The following GPC6 variants were observed in gnomAD, a reference collection of about 807,000 sequenced individuals.
GPC6 encodes glypican 6.
A neutral mutation model predicts 55.2 loss-of-function variants in GPC6; 14 were observed. That is an observed-to-expected ratio of 0.25 (90% confidence interval 0.17 to 0.40). The LOEUF is 0.40. Among genes scored for constraint, GPC6 ranks in the 10% least tolerant of loss-of-function variants. The pLI is 1.00. For missense variants in GPC6, 641 were observed against 708.5 expected (o/e 0.90, Z 1.08); for synonymous variants, 278 against 259.6 (o/e 1.07, Z -0.68).
Position 94,341,585 on chromosome 13 carries a change from C to CAA in GPC6, c.1152+35478_1152+35479dup, listed in dbSNP as rs34492618. ...GGGCAACAAAAGCAAAACTCCGTCT[C>CAA]AAAAAAAAAAAAAAAAAGATTGTTA... On this transcript the variant is annotated intron_variant, in intron 6 of 8. Coordinates refer to ENST00000377047, the MANE Select transcript of GPC6 (RefSeq NM_005708.5). Among the ~76,000 whole-genome samples the CAA allele has an allele frequency of 2.2e-3, 178 of 79,580 alleles. 1 individual carries two copies. The highest frequency in any genetic ancestry group is 2.1e-3 in the Admixed American group (17 of 8,022). 52.2% of individuals were successfully genotyped at this position (79,580 alleles called of 152,430 possible).
At chr13:93,754,709 A>C (rs1339506966) in intron 2 of GPC6, among the ~76,000 whole-genome samples, 1 of 152,122 alleles carries the variant, frequency 6.6e-6, no homozygotes, top group Non-Finnish European at 1.5e-5. Context: ...ATTTAAAAAA[A>C]AAAAACTAAA....
intron 1 of GPC6, among the ~76,000 whole-genome samples, chr13:93,541,771 C>A (rs12561010): frequency 6.7e-6 from 1 of 149,742 alleles, no homozygotes; most frequent in Non-Finnish European, 1.5e-5. Context: ...ATTTCTCTGA[C>A]GGCCAGTGAT....
intron 2 of GPC6, among the ~76,000 whole-genome samples, chr13:93,771,984 T>A (rs1229207179): frequency 1.3e-5 from 2 of 152,174 alleles, no homozygotes; most frequent in Non-Finnish European, 2.9e-5. Context: ...ACCACAGTTC[T>A]GCTTGGTTCA....
intron 3 of GPC6, among the ~76,000 whole-genome samples, chr13:93,903,509 T>C (rs1416895068): frequency 6.6e-6 from 1 of 152,222 alleles, no homozygotes; most frequent in African/African-American, 2.4e-5. Flanking sequence ...TTTAAAAATG[T>C]GTTTTGCATT....
At chr13:93,890,717 T>TTA (rs1875628534) in intron 3 of GPC6, among the ~76,000 whole-genome samples, 1 of 80,132 alleles carries the variant, frequency 1.2e-5, no homozygotes, top group African/African-American at 4.4e-5. Flanking sequence ...TTTTACTTAA[T>TTA]TTTTTTTTTT....
At chr13:93,467,708 C>A in intron 1 of GPC6, among the ~76,000 whole-genome samples, 1 of 151,220 alleles carries the variant, frequency 6.6e-6, no homozygotes, top group Admixed American at 6.6e-5. Context: ...CTTCAGCCTC[C>A]TAAGTTGTTG....
chr13:94,267,675 A>T (rs1212454799), intron 4 of GPC6, among the ~76,000 whole-genome samples: 2 of 152,204 alleles, frequency 1.3e-5, no homozygotes, highest in Non-Finnish European at 2.9e-5. Context: ...CTAAAGTGTG[A>T]TTCCATCCTG....
intron 4 of GPC6, among the ~76,000 whole-genome samples, chr13:94,049,306 AC>A (rs1441010024): frequency 2.0e-5 from 3 of 150,938 alleles, no homozygotes; most frequent in South Asian, 4.2e-4. Flanking sequence ...CTCCTCCCCA[AC>A]CCCCCACTGA....
At chr13:93,777,205 G>A (rs1040757845) in intron 2 of GPC6, among the ~76,000 whole-genome samples, 1 of 152,140 alleles carries the variant, frequency 6.6e-6, no homozygotes, top group Non-Finnish European at 1.5e-5. Context: ...TGAAACAGGC[G>A]ATCAAGCAAG....
intron 1 of GPC6, among the ~76,000 whole-genome samples, chr13:93,432,001 G>A (rs1435509096): frequency 6.6e-6 from 1 of 152,108 alleles, no homozygotes; most frequent in Non-Finnish European, 1.5e-5. Flanking sequence ...CATCTGAAAT[G>A]TGTCCCTAGA....
chr13:93,822,615 A>G (rs994860599), intron 2 of GPC6, among the ~76,000 whole-genome samples: 6 of 150,580 alleles, frequency 4.0e-5, no homozygotes, highest in African/African-American at 1.5e-4. Flanking sequence ...CCCCCCAACA[A>G]GCCCCAGTGT....
chr13:94,292,602 CTTT>C (rs1875045852), intron 5 of GPC6, among the ~76,000 whole-genome samples: 1 of 151,986 alleles, frequency 6.6e-6, no homozygotes, highest in South Asian at 2.1e-4. Flanking sequence ...TCTTATGTAT[CTTT>C]TTTCTCTCTT....
chr13:94,185,905 A>G (rs1177591198), intron 4 of GPC6, among the ~76,000 whole-genome samples: 1 of 151,850 alleles, frequency 6.6e-6, no homozygotes, highest in African/African-American at 2.4e-5. Flanking sequence ...CTAAAAATAC[A>G]AAAAATTAGC....
At chr13:93,970,940 T>C (rs569777159) in intron 3 of GPC6, among the ~76,000 whole-genome samples, 26 of 152,350 alleles carry the variant, frequency 1.7e-4, no homozygotes, top group Non-Finnish European at 3.2e-4. Flanking sequence ...TACAAGGACT[T>C]GCATTTTGAT....
intron 4 of GPC6, among the ~76,000 whole-genome samples, chr13:94,143,161 T>A (rs1007182294): frequency 2.6e-5 from 4 of 151,756 alleles, no homozygotes; most frequent in Non-Finnish European, 4.4e-5. Flanking sequence ...AAAAAAAAGA[T>A]ATATAAAAAC....
chr13:93,927,808 T>C (rs1315775159), intron 3 of GPC6, among the ~76,000 whole-genome samples: 1 of 152,164 alleles, frequency 6.6e-6, no homozygotes, highest in East Asian at 1.9e-4. Flanking sequence ...ATAAAAGCAC[T>C]GAATAAGTAT....
intron 1 of GPC6, among the ~76,000 whole-genome samples, chr13:93,492,487 T>C (rs2139359209): frequency 6.6e-6 from 1 of 151,300 alleles, no homozygotes; most frequent in Admixed American, 6.6e-5. Context: ...TTTGACTTCC[T>C]CTTTTCCCTA....
intron 4 of GPC6, among the ~76,000 whole-genome samples, chr13:94,236,513 A>T (rs1369826309): frequency 6.6e-6 from 1 of 152,174 alleles, no homozygotes; most frequent in Non-Finnish European, 1.5e-5. Context: ...AGACATCAAG[A>T]CAATTGCATA....
intron 2 of GPC6, among the ~76,000 whole-genome samples, chr13:93,752,506 C>T (rs1884633017): frequency 6.6e-6 from 1 of 151,746 alleles, no homozygotes; most frequent in South Asian, 2.1e-4. Flanking sequence ...CGGTTGCAAT[C>T]TATTACCACT....
Sources: gnomAD v4.1 joint callset for allele counts (sites outside exome capture counted in the v4.1 genomes callset) on GRCh38, gnomAD v4.1.1 for gene constraint, MANE v1.5 for transcripts, NCBI Gene and HGNC (gene_info 2026-07-23, HGNC 2026-07-21) for gene names.